Variants in VRTN observed in about 807,000 individuals in gnomAD.
The protein encoded by VRTN is vertebrae development associated.
VRTN carries 5 observed loss-of-function variants against 18.2 expected under a neutral mutation model. The observed-to-expected ratio is 0.27, with a 90% CI of 0.14 to 0.58. The LOEUF (loss-of-function observed/expected upper bound fraction) is 0.58, where lower values mean the gene tolerates loss of function less well. Among genes scored for constraint, VRTN ranks in the 20% least tolerant of loss-of-function variants. The pLI, the probability that VRTN is intolerant of heterozygous loss-of-function variation, is 0.91. For missense variants in VRTN, 741 were observed against 939.4 expected, an observed-to-expected ratio of 0.79 and a Z score of 2.76; for synonymous variants, 381 against 393.7, an observed-to-expected ratio of 0.97 and a Z score of 0.38.
intron 1 of VRTN, among the ~76,000 whole-genome samples, chr14:74,335,048 G>A (rs546639180): frequency 1.3e-5 from 2 of 152,228 alleles, no homozygotes; most frequent in African/African-American, 2.4e-5. Context: ...TTGGGAGGCC[G>A]AGGCAGGTGG....
intron 2 of VRTN, among the ~76,000 whole-genome samples, chr14:74,340,723 A>G (rs2085599402): frequency 6.6e-6 from 1 of 152,232 alleles, no homozygotes; most frequent in African/African-American, 2.4e-5. Context: ...GATTGAATGA[A>G]TGATGAATTA....
intron 1 of VRTN, among the ~76,000 whole-genome samples, chr14:74,349,015 C>G (rs1021883085): frequency 6.6e-6 from 1 of 152,172 alleles, no homozygotes; most frequent in African/African-American, 2.4e-5. Flanking sequence ...CCAGCTCCCT[C>G]TTTTGCCACT....
At chr14:74,310,234 C>T (rs2085378759) in intron 1 of VRTN, among the ~76,000 whole-genome samples, 1 of 151,832 alleles carries the variant, frequency 6.6e-6, no homozygotes, top group African/African-American at 2.4e-5. Context: ...CCCGTCTCTA[C>T]TAAAAATACA....
At chr14:74,329,379 G>A (rs887846660) in intron 1 of VRTN, among the ~76,000 whole-genome samples, 1 of 152,120 alleles carries the variant, frequency 6.6e-6, no homozygotes, top group Non-Finnish European at 1.5e-5. Flanking sequence ...TTCCTGAGTA[G>A]CTGGGACTAC....
At chr14:74,324,653 C>T (rs891463264) in intron 1 of VRTN, among the ~76,000 whole-genome samples, 6 of 151,798 alleles carry the variant, frequency 4.0e-5, no homozygotes, top group South Asian at 2.1e-4. Flanking sequence ...TTTGGGAGGC[C>T]GAGGCAGGAT....
chr14:74,333,371 A>G (rs2085541914), intron 1 of VRTN, among the ~76,000 whole-genome samples: 1 of 152,074 alleles, frequency 6.6e-6, no homozygotes. Context: ...CGACAGAGCG[A>G]GACTCCATCT....
chr14:74,308,866 G>GTT (rs11290399), intron 1 of VRTN, among the ~76,000 whole-genome samples: 4 of 144,712 alleles, frequency 2.8e-5, no homozygotes, highest in Admixed American at 6.9e-5. Flanking sequence ...ACTTCTGTTT[G>GTT]TTTTTTTTTT....
rs752172506 is a variant in VRTN at position 74,358,081 on chromosome 14, G to A, written c.1298G>A (p.Arg433Gln). ...AAACGCAGGTTCCCTGGCATCTCACGGTCCACTTATTATAATTGGCGGCGA... is the reference window on the plus strand; with the variant it reads ...AAACGCAGGTTCCCTGGCATCTCACAGTCCACTTATTATAATTGGCGGCGA... ...CFKRRFPGIS[R>Q]STYYNWRRKA... The change falls in exon 2 of 2, where the codon CGG (arginine) becomes CAG (glutamine). Residue 433 changes from arginine to glutamine, a missense_variant. Transcript: ENST00000256362. This position sits in a 1 kb window ranked among gnomAD's most constrained non-coding sequence, Gnocchi z 5.4. 9 of 1,614,182 alleles carry A rather than the reference G, an allele frequency of 5.6e-6. No homozygotes were observed. Among genetic ancestry groups the A allele is most frequent in the Non-Finnish European group, 7.6e-6 (9 of 1,180,032 alleles).
intron 1 of VRTN, among the ~76,000 whole-genome samples, chr14:74,336,814 C>T (rs1049417568): frequency 1.1e-4 from 17 of 152,052 alleles, no homozygotes; most frequent in African/African-American, 4.1e-4. Flanking sequence ...TCGCTATTTT[C>T]CTCTAGGTGA....
intron 1 of VRTN, among the ~76,000 whole-genome samples, chr14:74,330,528 G>C (rs568276148): frequency 2.2e-4 from 32 of 148,502 alleles, no homozygotes; most frequent in African/African-American, 6.2e-4. Context: ...TGCAACCTCT[G>C]CCTCCCAGGT....
chr14:74,358,699 G>A lies in VRTN; in HGVS notation c.1916G>A (p.Arg639Gln), dbSNP rs778606069. 12 of 1,613,936 alleles carry A rather than the reference G, an allele frequency of 7.4e-6. No individual in the cohort carries two copies. Among genetic ancestry groups the A allele is most frequent in the African/African-American group, 1.3e-5 (1 of 74,954 alleles). The change falls in exon 2 of 2, where the codon CGG becomes CAG. Residue 639 changes from arginine to glutamine, a missense_variant. By Grantham distance (43) the Arg-to-Gln change is conservative. This residue lies in a region of VRTN where 61 missense variants were observed against 104.6 expected (regional missense o/e 0.58). Transcript: ENST00000256362. The surrounding 1 kb of genome is among the most constrained non-coding windows in gnomAD (Gnocchi z 5.4). The part of the protein sequence containing the change: ...VVAAAGGRDG[R>Q]MLVMDMIATT... The stretch of plus-strand genomic sequence containing the variant: ...GCAGCAGCGGGTGGCAGGGATGGCC[G>A]GATGCTGGTGATGGACATGATCGCT...
chr14:74,310,090 T>C (rs965501393), intron 1 of VRTN, among the ~76,000 whole-genome samples: 1 of 152,040 alleles, frequency 6.6e-6, no homozygotes, highest in Non-Finnish European at 1.5e-5. Context: ...TAGAATATAT[T>C]TTGCAGCTAT....
chr14:74,356,913 C>T lies in VRTN; in HGVS notation c.130C>T (p.Pro44Ser), dbSNP rs2085731691. ...GCAGGTCCTGTCTTCCTTCACTCTCCCCACCTGCCGGGAGGGAGGCCCTGG... is the reference window on the plus strand; with the variant it reads ...GCAGGTCCTGTCTTCCTTCACTCTCTCCACCTGCCGGGAGGGAGGCCCTGG... ...AKQVLSSFTL[P>S]TCREGGPGLQ... is the part of the protein sequence containing the mutation. Residue 44 changes from proline to serine, a missense_variant, in exon 2 of 2, where the codon CCC becomes TCC. Around this residue, in one of 3 missense-constraint regions of VRTN, gnomAD observed 186 missense variants for 288.3 expected, o/e 0.65. Coordinates refer to ENST00000256362, the MANE Select transcript of VRTN (RefSeq NM_018228.3). The T allele has an allele frequency of 1.2e-6, 2 of 1,613,914 alleles. No individual in the cohort carries two copies. Among genetic ancestry groups the T allele is most frequent in the Non-Finnish European group, 1.7e-6 (2 of 1,180,002 alleles).
At chr14:74,319,796 T>C (rs920914776) in intron 1 of VRTN, among the ~76,000 whole-genome samples, 11 of 152,152 alleles carry the variant, frequency 7.2e-5, no homozygotes, top group Non-Finnish European at 1.2e-4. Flanking sequence ...AAGGGTTGAC[T>C]GTAGATTGAG....
chr14:74,340,435 G>A (rs1361783715), intron 2 of VRTN, among the ~76,000 whole-genome samples: 4 of 151,216 alleles, frequency 2.6e-5, no homozygotes, highest in Non-Finnish European at 4.4e-5. Flanking sequence ...TAGTAGACAC[G>A]GGGTTTCACC....
At chr14:74,311,772 C>CTTT (rs34712936) in intron 1 of VRTN, among the ~76,000 whole-genome samples, 1 of 144,320 alleles carries the variant, frequency 6.9e-6, no homozygotes, top group Non-Finnish European at 1.5e-5. Context: ...CATATACAGA[C>CTTT]TTTTTTTTTT....
upstream of VRTN, among the ~76,000 whole-genome samples, chr14:74,344,921 T>C (rs1296863097): frequency 6.6e-6 from 1 of 152,122 alleles, no homozygotes; most frequent in Non-Finnish European, 1.5e-5. Context: ...TACTTGCTTG[T>C]TTATACATAA....
At chr14:74,346,032 G>A (rs1312255929), upstream of VRTN, among the ~76,000 whole-genome samples, 9 of 151,986 alleles carry the variant, frequency 5.9e-5, no homozygotes, top group South Asian at 2.1e-4. Context: ...GGCTGGGTAC[G>A]GTGGCTTGCA....
intron 1 of VRTN, among the ~76,000 whole-genome samples, chr14:74,336,675 C>T (rs1025067183): frequency 3.3e-5 from 5 of 152,120 alleles, no homozygotes; most frequent in South Asian, 2.1e-4. Flanking sequence ...AATGTTCCCT[C>T]CTGGTGAATC....
Sources: allele counts gnomAD v4.1 joint callset (sites outside exome capture counted in the v4.1 genomes callset), GRCh38; gene constraint gnomAD v4.1.1; regional missense constraint gnomAD v4.1.1; non-coding constraint Gnocchi (gnomAD v3.1); transcripts MANE v1.5; gene names NCBI Gene and HGNC (gene_info 2026-07-23, HGNC 2026-07-21).